IGSF9B: variants seen among roughly 807,000 people sequenced by gnomAD.
IGSF9B encodes protein turtle homolog B.
IGSF9B carries 48 observed loss-of-function variants against 143.7 expected under a neutral mutation model. That is an observed-to-expected ratio of 0.33 (90% CI 0.26 to 0.42). The LOEUF is 0.42. Ranked by LOEUF, IGSF9B falls within the 20% of genes least tolerant of loss-of-function variation. The pLI is 1.00. For synonymous variants in IGSF9B, 903 were observed against 833.1 expected, an observed-to-expected ratio of 1.08 and a Z score of -1.44; for missense variants, 1,706 against 1,980.0, an observed-to-expected ratio of 0.86 and a Z score of 2.63.
At chr11:133,926,396 G>T (rs750784857) in intron 13 of IGSF9B, among the ~76,000 whole-genome samples, 1 of 152,208 alleles carries the variant, frequency 6.6e-6, no homozygotes, top group Non-Finnish European at 1.5e-5. Flanking sequence ...TCTGGGAAAG[G>T]GGCTGGAGTC....
chr11:133,911,799 C>A, intron 19 of IGSF9B, 87 bp downstream of exon 19: 12 of 1,323,416 alleles, frequency 9.1e-6, no homozygotes, highest in Non-Finnish European at 1.2e-5. Context: ...AGCCCAATAA[C>A]CCTCCTGACA....
At chr11:133,932,033 G>C (rs755386957) in intron 8 of IGSF9B, 38 bp downstream of exon 8, 2 of 1,587,976 alleles carry the variant, frequency 1.3e-6, no homozygotes, top group Non-Finnish European at 1.7e-6. Context: ...ACTGGGGGGA[G>C]CCCTCACTCC....
At position 133,936,298 on chromosome 11, in the gene IGSF9B, A is replaced by G. The variant is rs530834219; in HGVS notation, c.680-104T>C. 7.6e-5 allele frequency: 76 copies of G among 1,002,126 alleles called. No individual in the cohort carries two copies. In the African/African-American group the frequency reaches 8.5e-4, roughly 11 times the overall value. The allele number at this position is 1,002,126 out of a possible 1,614,324, so 62.1% of individuals were successfully genotyped here. A position where few individuals can be genotyped will look rare whatever the true frequency, so the allele number is the denominator to read the frequency against. ...TGCCTCAGGAAGCGGTGCCCTGAAC[A>G]CTGCGATGGGGGCGGCTGTCATGGA... On this transcript the variant is annotated intron_variant, in intron 5 of 19. Transcript: ENST00000533871.
chr11:133,944,100 G>A (rs1190277275), intron 3 of IGSF9B, 120 bp downstream of exon 3: 1 of 1,091,918 alleles, frequency 9.2e-7, no homozygotes, highest in Non-Finnish European at 1.3e-6. Context: ...GCAACAAGGA[G>A]GGGGGCAGGG....
At chr11:133,915,351 C>T (rs1297808351) in intron 18 of IGSF9B, among the ~76,000 whole-genome samples, 1 of 149,950 alleles carries the variant, frequency 6.7e-6, no homozygotes, top group Non-Finnish European at 1.5e-5. Flanking sequence ...TCACTGCTGC[C>T]TCGACCTCCC....
At chr11:133,926,862 C>T (rs1362272425) in intron 13 of IGSF9B, 54 bp downstream of exon 13, 14 of 1,467,498 alleles carry the variant, frequency 9.5e-6, no homozygotes, top group African/African-American at 1.4e-5. Context: ...CCTGGGCCAC[C>T]GCCCCCACCA....
intron 7 of IGSF9B, among the ~76,000 whole-genome samples, chr11:133,935,253 C>G (rs954893214): frequency 1.3e-5 from 2 of 152,212 alleles, no homozygotes; most frequent in African/African-American, 4.8e-5. Flanking sequence ...CCATAAGACA[C>G]CTGAGAAAAG....
At chr11:133,929,287 AT>A (rs1173911390) in intron 12 of IGSF9B, among the ~76,000 whole-genome samples, 6 of 152,226 alleles carry the variant, frequency 3.9e-5, no homozygotes. Flanking sequence ...TACAAAAAAA[AT>A]TAGTCTAAAA....
chr11:133,947,587 ACT>A (rs1262211601), intron 1 of IGSF9B, among the ~76,000 whole-genome samples: 3 of 150,984 alleles, frequency 2.0e-5, no homozygotes, highest in South Asian at 2.1e-4. Context: ...CCTCGGTCTG[ACT>A]CTCTCTGCAT....
chr11:133,939,731 C>T (rs542961551), intron 3 of IGSF9B, among the ~76,000 whole-genome samples: 4 of 151,978 alleles, frequency 2.6e-5, no homozygotes, highest in Admixed American at 2.6e-4. Context: ...TGCAAAAACA[C>T]GCACCTCGCA....
In IGSF9B at chr11:133,956,887, G is replaced by A. The variant is rs565874392; in HGVS notation, c.-133C>T. The A allele has an allele frequency of 1.7e-4, 77 of 456,168 alleles. No homozygotes were observed. The highest frequency in any genetic ancestry group is 1.5e-3 in the African/African-American group (74 of 48,774). 28.3% of individuals were successfully genotyped at this position (456,168 alleles called of 1,614,324 possible). On this transcript the variant is annotated 5_prime_UTR_variant, in exon 1 of 20. Transcript: ENST00000533871. ...CCCCGCGCCGGTGCTCCTGCAGCCC[G>A]GGTGGCCAGCTCTCCATCCCTCCTA...
At chr11:133,911,753 A>G (rs187601558) in intron 19 of IGSF9B, 133 bp downstream of exon 19, 2 of 664,276 alleles carry the variant, frequency 3.0e-6, no homozygotes, top group East Asian at 6.6e-5. Context: ...AAGCTTGTGG[A>G]TTCAATTCTA....
At chr11:133,921,706 C>G (rs539461339) in intron 17 of IGSF9B, among the ~76,000 whole-genome samples, 32 of 152,184 alleles carry the variant, frequency 2.1e-4, no homozygotes, top group African/African-American at 6.3e-4. Flanking sequence ...CCCGGCCCCC[C>G]CCATCATCCG....
chr11:133,929,583 T>TC (rs1229248580), intron 12 of IGSF9B, 88 bp downstream of exon 12: 8 of 952,108 alleles, frequency 8.4e-6, no homozygotes, highest in Non-Finnish European at 1.2e-5. Context: ...TCCTCCTACC[T>TC]CCCCCCACCC....
At chr11:133,956,609 G>C in intron 1 of IGSF9B, 82 bp downstream of exon 1, 1 of 957,502 alleles carries the variant, frequency 1.0e-6, no homozygotes, top group South Asian at 1.5e-5. Context: ...GGGGGGCCAA[G>C]GAGCCGGGAA....
rs1939620153 is a variant in IGSF9B at position 133,926,047 on chromosome 11, TGTCAGGGCCCAGAGGGAAGCAGA to T, written c.1808-105_1808-83del. 4 of 1,011,844 alleles carry T rather than the reference TGTCAGGGCCCAGAGGGAAGCAGA, an allele frequency of 4.0e-6. No homozygotes were observed. The East Asian group carries it at 1.0e-4, about 26-fold the overall frequency. The allele number at this position is 1,011,844 out of a possible 1,614,324, so 62.7% of individuals were successfully genotyped here. On this transcript the variant is annotated intron_variant, in intron 13 of 19. Coordinates refer to ENST00000533871, the MANE Select transcript of IGSF9B (RefSeq NM_001277285.4). ...CGCACCCCCCACACTCCTGTGCACA[TGTCAGGGCCCAGAGGGAAGCAGA>T]GTCAGGGCCCGGGGCCCAGGGCTTC...
intron 7 of IGSF9B, among the ~76,000 whole-genome samples, chr11:133,933,295 A>T (rs1050179020): frequency 4.6e-5 from 7 of 152,186 alleles, no homozygotes; most frequent in African/African-American, 1.7e-4. Context: ...TCCTTATCCC[A>T]AAGTCTCCTG....
intron 19 of IGSF9B, among the ~76,000 whole-genome samples, chr11:133,910,973 A>T (rs1223439567): frequency 6.6e-6 from 1 of 152,126 alleles, no homozygotes; most frequent in Non-Finnish European, 1.5e-5. Context: ...CTGAAAGTAT[A>T]CTAGTACCAG....
chr11:133,940,513 G>A (rs557051698), intron 3 of IGSF9B, among the ~76,000 whole-genome samples: 2 of 136,566 alleles, frequency 1.5e-5, no homozygotes, highest in South Asian at 4.8e-4. Flanking sequence ...ATCCTCGCAC[G>A]CGTCATCACA....
Sources: gnomAD v4.1 joint callset for allele counts (sites outside exome capture counted in the v4.1 genomes callset) on GRCh38, gnomAD v4.1.1 for gene constraint, MANE v1.5 for transcripts, NCBI Gene and HGNC (gene_info 2026-07-23, HGNC 2026-07-21) for gene names.